ATP8A2: variants seen among roughly 807,000 people sequenced by gnomAD.
ATP8A2 encodes ATPase phospholipid transporting 8A2, also known as phospholipid-transporting ATPase IB.
In ATP8A2, 100 loss-of-function variants were observed where a neutral mutation model predicts 165.6. The observed-to-expected ratio is 0.60, with a 90% CI of 0.51 to 0.71. The LOEUF (loss-of-function observed/expected upper bound fraction) is 0.71, where lower values mean the gene tolerates loss of function less well. Among genes scored for constraint, ATP8A2 ranks in the 30% least tolerant of loss-of-function variants. ATP8A2 has a pLI of 0.00. For missense variants in ATP8A2, 1,227 were observed against 1,479.5 expected (o/e 0.83, Z 2.80); for synonymous variants, 543 against 548.8 (o/e 0.99, Z 0.15).
intron 33 of ATP8A2, among the ~76,000 whole-genome samples, chr13:25,895,849 A>C (rs1277457358): frequency 6.6e-6 from 1 of 152,140 alleles, no homozygotes; most frequent in Non-Finnish European, 1.5e-5. Context: ...CTCTGATGGT[A>C]GTTTGTATTT....
chr13:25,408,711 A>G, intron 1 of ATP8A2, among the ~76,000 whole-genome samples: 1 of 152,298 alleles, frequency 6.6e-6, no homozygotes. Context: ...GCCTTATTTT[A>G]AAAGACTGTT....
chr13:25,436,142 A>G (rs1408009215), intron 1 of ATP8A2, among the ~76,000 whole-genome samples: 3 of 151,654 alleles, frequency 2.0e-5, no homozygotes, highest in African/African-American at 7.3e-5. Flanking sequence ...TTTTAGACTC[A>G]GGGGGTACAT....
chr13:25,826,655 CTCTG>C (rs1036598454), intron 27 of ATP8A2, among the ~76,000 whole-genome samples: 3 of 152,202 alleles, frequency 2.0e-5, no homozygotes, highest in Non-Finnish European at 2.9e-5. Context: ...CAGCAGCGGT[CTCTG>C]TCTGTGATGA....
At position 25,832,096 on chromosome 13, in the gene ATP8A2, C is replaced by T. The variant is rs369918150; in HGVS notation, c.2754+3904C>T. ...CCAGGATTACAGGTGCGCACCACCACGCCTGGCAAATTTTCTGTATTTTTA... is the reference window on the plus strand; with the variant it reads ...CCAGGATTACAGGTGCGCACCACCATGCCTGGCAAATTTTCTGTATTTTTA... On this transcript the variant is annotated intron_variant, in intron 28 of 36. Coordinates refer to ENST00000381655, the MANE Select transcript of ATP8A2 (RefSeq NM_016529.6). Among the ~76,000 whole-genome samples the T allele has an allele frequency of 9.2e-5, 14 of 151,942 alleles. No homozygotes were observed. The East Asian group carries it at 9.9e-4, about 11-fold the overall frequency.
In ATP8A2 at chr13:25,463,384, T is replaced by C. The variant is rs372693310; in HGVS notation, c.77-5593T>C. Among the ~76,000 whole-genome samples, 104 of 152,160 alleles carry C rather than the reference T, an allele frequency of 6.8e-4. No individual in the cohort carries two copies. The South Asian group carries it at 0.021, about 31-fold the overall frequency. On this transcript the variant is annotated intron_variant, in intron 1 of 36. Transcript: ENST00000381655. ...CTGACCTATTTAGTTTATGCTTTTA[T>C]GTATGTTACATAAAAGTTATCATAA... is the stretch of plus-strand genomic sequence containing the variant.
chr13:25,815,344 C>T (rs1433725862), intron 27 of ATP8A2, among the ~76,000 whole-genome samples: 1 of 152,084 alleles, frequency 6.6e-6, no homozygotes, highest in East Asian at 1.9e-4. Flanking sequence ...AGCTCCTAAA[C>T]ACAACAGCAA....
chr13:25,633,875 C>T (rs2041305988), intron 24 of ATP8A2, among the ~76,000 whole-genome samples: 1 of 151,474 alleles, frequency 6.6e-6, no homozygotes, highest in South Asian at 2.1e-4. Context: ...ACTCTGGAGG[C>T]TAAGGTGGGA....
intron 24 of ATP8A2, among the ~76,000 whole-genome samples, chr13:25,643,207 T>G (rs1460151077): frequency 6.6e-6 from 1 of 152,142 alleles, no homozygotes; most frequent in Non-Finnish European, 1.5e-5. Flanking sequence ...GAACTTAAAG[T>G]GTAATAATAA....
intron 2 of ATP8A2, among the ~76,000 whole-genome samples, chr13:25,492,686 G>A (rs897448239): frequency 6.6e-6 from 1 of 152,226 alleles, no homozygotes; most frequent in Non-Finnish European, 1.5e-5. Flanking sequence ...GCTTTAATGA[G>A]AGTTTTCAAC....
intron 33 of ATP8A2, among the ~76,000 whole-genome samples, chr13:25,880,138 G>C (rs1952935113): frequency 6.6e-6 from 1 of 152,202 alleles, no homozygotes; most frequent in Non-Finnish European, 1.5e-5. Context: ...GGAATAATCA[G>C]TTATCAGATA....
chr13:25,386,890 G>A (rs1327278812), intron 1 of ATP8A2, among the ~76,000 whole-genome samples: 1 of 149,358 alleles, frequency 6.7e-6, no homozygotes, highest in Non-Finnish European at 1.5e-5. Context: ...CCAGCTACTT[G>A]GGAGGCTGAA....
In ATP8A2 at chr13:25,745,865, A is replaced by G. The variant is rs76401350; in HGVS notation, c.2385-23181A>G. On this transcript the variant is annotated intron_variant, in intron 25 of 36. Coordinates refer to ENST00000381655, the MANE Select transcript of ATP8A2 (RefSeq NM_016529.6). ...CTCTAGTTCAGTTTCTTAGGAATGC[A>G]GTGCCAAAAATGGTATTTTAGTAAA... Among the ~76,000 whole-genome samples, 841 of 152,340 alleles carry G rather than the reference A, an allele frequency of 5.5e-3. 11 individuals are homozygous for G. The highest frequency in any genetic ancestry group is 0.019 in the African/African-American group (778 of 41,574).
At chr13:25,813,322 A>G (rs1314283123) in intron 27 of ATP8A2, among the ~76,000 whole-genome samples, 1 of 146,236 alleles carries the variant, frequency 6.8e-6, no homozygotes, top group Non-Finnish European at 1.5e-5. Context: ...AGGGCACTGC[A>G]AAGACATCAA....
At chr13:25,525,116 T>C (rs956481664) in intron 2 of ATP8A2, among the ~76,000 whole-genome samples, 26 of 152,084 alleles carry the variant, frequency 1.7e-4, no homozygotes, top group Non-Finnish European at 3.2e-4. Context: ...AACAAGTTAT[T>C]TTTAAAGAGA....
At chr13:25,741,954 T>C (rs2138149785) in intron 25 of ATP8A2, among the ~76,000 whole-genome samples, 1 of 152,322 alleles carries the variant, frequency 6.6e-6, no homozygotes, top group South Asian at 2.1e-4. Flanking sequence ...AAATGTTCAT[T>C]GATGAAAATT....
chr13:25,519,562 A>C (rs758864294), intron 2 of ATP8A2, among the ~76,000 whole-genome samples: 2 of 152,084 alleles, frequency 1.3e-5, no homozygotes, highest in African/African-American at 4.8e-5. Context: ...GGTCATCTTC[A>C]TGTCACCCAG....
chr13:25,955,043 A>G (rs948517152), intron 33 of ATP8A2, among the ~76,000 whole-genome samples: 1 of 152,220 alleles, frequency 6.6e-6, no homozygotes, highest in Non-Finnish European at 1.5e-5. Context: ...GGGTAATAAC[A>G]AACTCCTCTG....
At chr13:25,755,759 T>G (rs1696245161) in intron 25 of ATP8A2, among the ~76,000 whole-genome samples, 1 of 151,902 alleles carries the variant, frequency 6.6e-6, no homozygotes. Context: ...ACAAAAAAAT[T>G]AGCTGGGCAT....
At chr13:25,998,908 C>G (rs1204575836) in intron 35 of ATP8A2, among the ~76,000 whole-genome samples, 2 of 152,108 alleles carry the variant, frequency 1.3e-5, no homozygotes, top group Non-Finnish European at 2.9e-5. Context: ...TTGGAGTGAG[C>G]TTTTCTCTCT....
Sources: gnomAD v4.1 joint callset for allele counts (sites outside exome capture counted in the v4.1 genomes callset) on GRCh38, gnomAD v4.1.1 for gene constraint, MANE v1.5 for transcripts, NCBI Gene and HGNC (gene_info 2026-07-23, HGNC 2026-07-21) for gene names.